The following SHOC2 variants were observed in gnomAD, a reference collection of about 807,000 sequenced individuals.
The protein encoded by SHOC2 is leucine-rich repeat protein SHOC-2.
A neutral mutation model predicts 50.2 loss-of-function variants in SHOC2; 4 were observed. The observed-to-expected ratio is 0.08, with a 90% CI of 0.04 to 0.18. The LOEUF (loss-of-function observed/expected upper bound fraction) is 0.18. Ranked by LOEUF, SHOC2 falls within the 10% of genes least tolerant of loss-of-function variation. The probability of loss-of-function intolerance (pLI) is 1.00; values close to 1 mark genes in which losing one functional copy is unlikely to be tolerated. For missense variants in SHOC2, 388 were observed against 669.6 expected, an observed-to-expected ratio of 0.58 and a Z score of 4.64; for synonymous variants, 218 against 244.5, an observed-to-expected ratio of 0.89 and a Z score of 1.01.
rs1848577819 is a variant in SHOC2 at position 111,012,134 on chromosome 10, A to G, written c.*316A>G. ...AGGGACAGAGGTAGTATAGTTAGAT[A>G]TACTTTCTCTTAGGAAAAATAATGG... On this transcript the variant is annotated 3_prime_UTR_variant, in exon 9 of 9. Transcript: ENST00000369452. The G allele has an allele frequency of 3.9e-6, 1 of 259,322 alleles. No homozygotes were observed. The highest frequency in any genetic ancestry group is 7.4e-6 in the Non-Finnish European group (1 of 135,448). The allele number at this position is 259,322 out of a possible 1,614,324, so 16.1% of individuals were successfully genotyped here. A position where few individuals can be genotyped will look rare whatever the true frequency, so the allele number is the denominator to read the frequency against.
chr10:110,929,154 C>G, intron 1 of SHOC2, among the ~76,000 whole-genome samples: 1 of 152,010 alleles, frequency 6.6e-6, no homozygotes, highest in East Asian at 1.9e-4. Context: ...TATTCAAATT[C>G]TTTGAAAATT....
intron 1 of SHOC2, among the ~76,000 whole-genome samples, chr10:110,957,531 T>TA (rs1847489643): frequency 7.2e-6 from 1 of 138,222 alleles, no homozygotes; most frequent in African/African-American, 2.8e-5. Flanking sequence ...ATCATGAAGA[T>TA]ACCCCCCCCC....
chr10:110,994,203 CA>C (rs989311715), intron 3 of SHOC2, among the ~76,000 whole-genome samples: 3 of 152,142 alleles, frequency 2.0e-5, no homozygotes, highest in Admixed American at 2.0e-4. Context: ...TCTTTGTAAT[CA>C]GACATGATCA....
At chr10:110,943,190 T>C (rs1371876956) in intron 1 of SHOC2, among the ~76,000 whole-genome samples, 1 of 152,116 alleles carries the variant, frequency 6.6e-6, no homozygotes, top group Non-Finnish European at 1.5e-5. Flanking sequence ...GGACTCCCAT[T>C]ATGAGTATGT....
chr10:110,964,327 TTCATGTAGTTTTTG>T lies in SHOC2; in HGVS notation c.-29_-16del. On this transcript the variant is annotated 5_prime_UTR_variant, in exon 2 of 9. An upstream start codon of the reference 5' UTR is lost. Coordinates refer to ENST00000369452, the MANE Select transcript of SHOC2 (RefSeq NM_007373.4). The surrounding 1 kb of genome is among the most constrained non-coding windows in gnomAD (Gnocchi z 4.9). ...TTCAATTACTGGAAAATAAAAGGAG[TTCATGTAGTTTTTG>T]TCCAGGCTTGAGTCACCATGAGTAG... 6.2e-7 allele frequency: 1 copy of T among 1,606,734 alleles called. No homozygotes were observed. The highest frequency in any genetic ancestry group is 8.5e-7 in the Non-Finnish European group (1 of 1,176,354).
rs192522555 is a variant in SHOC2, at chr10:110,923,325, C to A, written c.-235+3668C>A. Among the ~76,000 whole-genome samples, 425 of 152,088 alleles carry A rather than the reference C, an allele frequency of 2.8e-3. 1 individual carries two copies. Among genetic ancestry groups the A allele is most frequent in the African/African-American group, 1.0e-2 (415 of 41,536 alleles). On this transcript the variant is annotated intron_variant, in intron 1 of 8. Transcript: ENST00000369452. ...GTTTGTTAATCATTACAGATTGAAA[C>A]ATAAGTCTGAGAAACTTTTATGTTC...
In SHOC2 at chr10:110,970,391, C is replaced by T. The variant is rs566471949; in HGVS notation, c.703+5330C>T. ...GACAGAATTTTATTCTTTTTTTGGC[C>T]GAATAGCATTTCATTGTGTATATAT... On this transcript the variant is annotated intron_variant, in intron 2 of 8. Coordinates refer to ENST00000369452, the MANE Select transcript of SHOC2 (RefSeq NM_007373.4). 2.6e-5 allele frequency among the ~76,000 whole-genome samples: 4 copies of T among 152,036 alleles called. No homozygotes were observed. The East Asian group carries it at 5.8e-4, about 22-fold the overall frequency.
chr10:110,965,686 A>G (rs1051784651), intron 2 of SHOC2, among the ~76,000 whole-genome samples: 12 of 152,190 alleles, frequency 7.9e-5, no homozygotes, highest in African/African-American at 2.9e-4. Flanking sequence ...TTTTCATTCC[A>G]GTCTTTCACA....
intron 3 of SHOC2, among the ~76,000 whole-genome samples, chr10:110,991,741 A>G (rs1158294218): frequency 6.6e-6 from 1 of 152,172 alleles, no homozygotes; most frequent in African/African-American, 2.4e-5. Context: ...AAAAATTTCA[A>G]CAGTTTTAAT....
chr10:110,981,571 C>T (rs1364395398), intron 2 of SHOC2, among the ~76,000 whole-genome samples: 6 of 152,152 alleles, frequency 3.9e-5, no homozygotes, highest in Non-Finnish European at 4.4e-5. Context: ...AACTGGAAGT[C>T]GGCTGTAAGT....
intron 1 of SHOC2, among the ~76,000 whole-genome samples, chr10:110,950,160 G>A (rs985209977): frequency 1.9e-4 from 29 of 152,164 alleles, no homozygotes; most frequent in African/African-American, 6.5e-4. Flanking sequence ...TAAGGACTCC[G>A]CCAAAAATGT....
chr10:111,003,206 T>C (rs546919252), intron 4 of SHOC2, among the ~76,000 whole-genome samples: 17 of 152,252 alleles, frequency 1.1e-4, no homozygotes, highest in Non-Finnish European at 2.4e-4. Context: ...AATTATACTG[T>C]CACCTCAAGT....
Position 110,937,187 on chromosome 10 carries a change from A to G in SHOC2, c.-235+17530A>G, listed in dbSNP as rs553174935. On this transcript the variant is annotated intron_variant, in intron 1 of 8. Transcript: ENST00000369452. ...AGCCACGATGGTCGCCAGGCGGCCC[A>G]GGAGATGGCCTCGACCATCAAGCAC... The G allele has an allele frequency of 2.6e-6, 4 of 1,535,318 alleles. No individual in the cohort carries two copies. In the African/African-American group the frequency reaches 4.1e-5, roughly 16 times the overall value.
At chr10:110,952,498 G>C (rs1293152361) in intron 1 of SHOC2, among the ~76,000 whole-genome samples, 1 of 151,716 alleles carries the variant, frequency 6.6e-6, no homozygotes, top group African/African-American at 2.4e-5. Context: ...GAAAATTCCT[G>C]TGTTCCACCT....
intron 5 of SHOC2, among the ~76,000 whole-genome samples, chr10:111,006,990 G>T (rs116873994): frequency 0.017 from 2,609 of 152,084 alleles, 51 homozygotes; most frequent in Middle Eastern, 0.027. Flanking sequence ...TTTTCTTATG[G>T]ATTTTTAAAG....
chr10:110,990,314 G>A (rs1039225673), intron 3 of SHOC2, among the ~76,000 whole-genome samples: 17 of 152,170 alleles, frequency 1.1e-4, no homozygotes, highest in Admixed American at 1.1e-3. Context: ...CTCAAGGTTT[G>A]TGAGTGCACC....
intron 1 of SHOC2, among the ~76,000 whole-genome samples, chr10:110,921,192 A>G (rs11195376): frequency 0.058 from 8,858 of 152,296 alleles, 332 homozygotes; most frequent in African/African-American, 0.11. Context: ...ATTTGAATTT[A>G]TCAAGTGTTG....
At chr10:110,985,819 A>T (rs1564722537) in intron 3 of SHOC2, 54 bp downstream of exon 3, 2 of 1,461,764 alleles carry the variant, frequency 1.4e-6, no homozygotes, top group Non-Finnish European at 1.9e-6. Flanking sequence ...CTGGATATTA[A>T]TAGGACTATT....
At chr10:110,971,204 T>A (rs937956031) in intron 2 of SHOC2, among the ~76,000 whole-genome samples, 5 of 152,168 alleles carry the variant, frequency 3.3e-5, no homozygotes, top group Admixed American at 2.0e-4. Flanking sequence ...AAGTCTTCAA[T>A]TCATTCTGAG....
Sources: allele counts gnomAD v4.1 joint callset (sites outside exome capture counted in the v4.1 genomes callset), GRCh38; gene constraint gnomAD v4.1.1; non-coding constraint Gnocchi (gnomAD v3.1); transcripts MANE v1.5; gene names NCBI Gene and HGNC (gene_info 2026-07-23, HGNC 2026-07-21).